The following ARMC2 variants were observed in gnomAD, a reference collection of about 807,000 sequenced individuals.
ARMC2 encodes armadillo repeat containing 2.
Under a neutral mutation model 90.3 loss-of-function variants are expected in ARMC2, and 67 were observed. The observed-to-expected ratio is 0.74, with a 90% CI of 0.61 to 0.91. ARMC2 has a LOEUF of 0.91. Ranked by LOEUF, ARMC2 falls within the 40% of genes least tolerant of loss-of-function variation. The probability of loss-of-function intolerance (pLI) is 0.00; values close to 1 mark genes in which losing one functional copy is unlikely to be tolerated. For synonymous variants in ARMC2, 393 were observed against 393.0 expected (o/e 1.00, Z 0.00); for missense variants, 920 against 1,030.9 (o/e 0.89, Z 1.47).
the ARMC2 span, among the ~76,000 whole-genome samples, chr6:109,051,807 A>C: frequency 6.6e-6 from 1 of 152,200 alleles, no homozygotes; most frequent in Non-Finnish European, 1.5e-5. Context: ...TTGGTCTGAT[A>C]AGGGCCTTCT....
chr6:108,955,499 G>T (rs1172967826), intron 13 of ARMC2, among the ~76,000 whole-genome samples: 1 of 152,154 alleles, frequency 6.6e-6, no homozygotes, highest in Admixed American at 6.5e-5. Context: ...GAGATATAGT[G>T]ACTTTCACAG....
intron 5 of ARMC2, among the ~76,000 whole-genome samples, chr6:108,882,191 CT>C (rs535910569): frequency 1.3e-3 from 198 of 151,542 alleles, no homozygotes; most frequent in African/African-American, 4.6e-3. Flanking sequence ...AATCCCAACA[CT>C]TTGGGAGGCC....
In ARMC2 at chr6:108,932,217, T is replaced by G. The variant is rs148804345; in HGVS notation, c.1496+3984T>G. Among the ~76,000 whole-genome samples, 653 of 152,126 alleles carry G rather than the reference T, an allele frequency of 4.3e-3. 18 individuals carry two copies. The highest frequency in any genetic ancestry group is 0.015 in the African/African-American group (613 of 41,356). On this transcript the variant is annotated intron_variant, in intron 11 of 17. Transcript: ENST00000392644. ...TGTTTACTCTGTTGATAGTTTCTTT[T>G]GCTGTGTAGAGCTCTTAAATTTAAT... is the stretch of plus-strand genomic sequence containing the variant.
the ARMC2 span, among the ~76,000 whole-genome samples, chr6:109,031,195 T>C: frequency 6.6e-6 from 1 of 152,094 alleles, no homozygotes; most frequent in Non-Finnish European, 1.5e-5. Context: ...TGGCAGGAGA[T>C]GAGTGAGTTA....
chr6:109,032,259 C>T, the ARMC2 span, among the ~76,000 whole-genome samples: 1 of 150,222 alleles, frequency 6.7e-6, no homozygotes, highest in Non-Finnish European at 1.5e-5. Context: ...GCAACAAGAG[C>T]GAAACTCTGC....
chr6:109,017,725 G>A, the ARMC2 span, among the ~76,000 whole-genome samples: 1 of 152,138 alleles, frequency 6.6e-6, no homozygotes, highest in Non-Finnish European at 1.5e-5. Flanking sequence ...GCATTAAATA[G>A]AGGGTCATCT....
intron 10 of ARMC2, among the ~76,000 whole-genome samples, chr6:108,919,921 T>C (rs1774387137): frequency 6.6e-6 from 1 of 152,220 alleles, no homozygotes; most frequent in Admixed American, 6.5e-5. Flanking sequence ...ACTTTTATTC[T>C]GAACTAAGTA....
intron 12 of ARMC2, among the ~76,000 whole-genome samples, chr6:108,940,053 C>T (rs1776306714): frequency 6.6e-6 from 1 of 152,214 alleles, no homozygotes; most frequent in Non-Finnish European, 1.5e-5. Context: ...GTTGCTACCT[C>T]CACCTTTGGT....
chr6:109,000,249 T>C, the ARMC2 span: 3 of 320,564 alleles, frequency 9.4e-6, no homozygotes, highest in Admixed American at 4.9e-5. Context: ...TGTCAAAATG[T>C]GTAGAACGAT....
chr6:108,970,735 T>C, intron 17 of ARMC2, among the ~76,000 whole-genome samples: 1 of 151,686 alleles, frequency 6.6e-6, no homozygotes, highest in East Asian at 2.0e-4. Flanking sequence ...TGACCTCAGG[T>C]GATCCACCTG....
chr6:109,011,632 CT>C, the ARMC2 span, among the ~76,000 whole-genome samples: 11,312 of 138,536 alleles, frequency 0.082, 760 homozygotes, highest in African/African-American at 0.23. Flanking sequence ...AATTTTTTTT[CT>C]TTTTTTTTTT....
At chr6:108,967,285 C>T (rs779182458) in intron 17 of ARMC2, among the ~76,000 whole-genome samples, 1 of 152,184 alleles carries the variant, frequency 6.6e-6, no homozygotes, top group Non-Finnish European at 1.5e-5. Flanking sequence ...AGGGCTTTCC[C>T]GCATAGGCAG....
the ARMC2 span, among the ~76,000 whole-genome samples, chr6:108,996,758 GAAT>G: frequency 1.3e-5 from 2 of 152,044 alleles, no homozygotes; most frequent in Non-Finnish European, 2.9e-5. Flanking sequence ...CATGAGAACA[GAAT>G]AATACACCAA....
the ARMC2 span, chr6:108,987,698 C>A: frequency 1.2e-6 from 1 of 802,992 alleles, no homozygotes; most frequent in Non-Finnish European, 2.1e-6. Flanking sequence ...TTCAGTGAAT[C>A]TAATGAACAC....
intron 10 of ARMC2, among the ~76,000 whole-genome samples, chr6:108,919,920 C>T (rs2754818): frequency 0.73 from 111,069 of 152,056 alleles, 41,079 homozygotes; most frequent in Middle Eastern, 0.81. Context: ...AACTTTTATT[C>T]TGAACTAAGT....
the ARMC2 span, among the ~76,000 whole-genome samples, chr6:109,003,076 A>C: frequency 1.3e-5 from 2 of 152,062 alleles, no homozygotes; most frequent in Non-Finnish European, 2.9e-5. Flanking sequence ...TATGGTTAAC[A>C]AGAACTGAAA....
chr6:109,011,801 A>G, the ARMC2 span, among the ~76,000 whole-genome samples: 25 of 151,586 alleles, frequency 1.6e-4, no homozygotes, highest in East Asian at 4.9e-3. Flanking sequence ...GCTACTTTTT[A>G]AATTTTTTGT....
At chr6:108,878,819 G>C (rs1310574045) in intron 5 of ARMC2, among the ~76,000 whole-genome samples, 1 of 152,130 alleles carries the variant, frequency 6.6e-6, no homozygotes, top group African/African-American at 2.4e-5. Flanking sequence ...ACCATCACTT[G>C]CTTTGTATTA....
At chr6:108,881,530 A>G (rs970421587) in intron 5 of ARMC2, among the ~76,000 whole-genome samples, 3 of 152,140 alleles carry the variant, frequency 2.0e-5, no homozygotes, top group African/African-American at 7.2e-5. Flanking sequence ...TAATTCAGAA[A>G]GATGTACTCA....
Sources: allele counts gnomAD v4.1 joint callset (sites outside exome capture counted in the v4.1 genomes callset), GRCh38; gene constraint gnomAD v4.1.1; transcripts MANE v1.5; gene names NCBI Gene and HGNC (gene_info 2026-07-23, HGNC 2026-07-21).